Variants in NR3C1 observed in about 807,000 individuals in gnomAD.
The protein encoded by NR3C1 is glucocorticoid receptor.
A neutral mutation model predicts 74.0 loss-of-function variants in NR3C1; 14 were observed. That is an observed-to-expected ratio of 0.19 (90% CI 0.12 to 0.30). The LOEUF (loss-of-function observed/expected upper bound fraction) is 0.30. NR3C1 is among the 10% of genes least tolerant of loss of function. The pLI is 1.00. For synonymous variants in NR3C1, 308 were observed against 332.5 expected, an observed-to-expected ratio of 0.93 and a Z score of 0.80; for missense variants, 695 against 909.8, an observed-to-expected ratio of 0.76 and a Z score of 3.04.
rs1019720278 is a variant in NR3C1, at chr5:143,413,329, GT to G, written c.-13-12478del. Among the ~76,000 whole-genome samples, 16 of 148,968 alleles carry G rather than the reference GT, an allele frequency of 1.1e-4. No homozygotes were observed. The East Asian group carries it at 1.2e-3, about 11-fold the overall frequency. ...ATGAAGGGTTTTCTTCAAGTTATTT[GT>G]TTTTTTTTTCTCTTGAAGATAATAC... is the stretch of plus-strand genomic sequence containing the variant. On this transcript the variant is annotated intron_variant, in intron 1 of 8. Transcript: ENST00000343796.
chr5:143,389,354 T>C (rs886634193), intron 2 of NR3C1, among the ~76,000 whole-genome samples: 11 of 152,310 alleles, frequency 7.2e-5, no homozygotes, highest in Non-Finnish European at 1.3e-4. Flanking sequence ...GCCTAGAACA[T>C]GTCTTTGTAG....
chr5:143,431,551 G>A (rs999641619), intron 1 of NR3C1, among the ~76,000 whole-genome samples: 2 of 152,062 alleles, frequency 1.3e-5, no homozygotes, highest in Admixed American at 1.3e-4. Flanking sequence ...ATGCATGCGA[G>A]GCTTAAAACC....
chr5:143,302,491 G>A (rs1818702184), intron 4 of NR3C1, among the ~76,000 whole-genome samples: 2 of 151,986 alleles, frequency 1.3e-5, no homozygotes. Flanking sequence ...TCAATACACT[G>A]AAACAGTACT....
Position 143,281,544 on chromosome 5 carries a change from A to AAGAG in NR3C1, c.*341_*344dup. ...CCAGCCAACTGTGAAAAAAAGTATG[A>AAGAG]AGAGAAAGTTCATCACACAGACTTT... is the stretch of plus-strand genomic sequence containing the variant. On this transcript the variant is annotated 3_prime_UTR_variant, in exon 9 of 9. Coordinates refer to ENST00000394464, the MANE Select transcript of NR3C1 (RefSeq NM_000176.3). 3.9e-6 allele frequency: 1 copy of AAGAG among 255,998 alleles called. No individual in the cohort carries two copies. The highest frequency in any genetic ancestry group is 4.7e-5 in the South Asian group (1 of 21,208). 15.9% of individuals were successfully genotyped at this position (255,998 alleles called of 1,614,324 possible). A position where few individuals can be genotyped will look rare whatever the true frequency, so the allele number is the denominator to read the frequency against.
rs555342928 is a variant in NR3C1 at position 143,377,057 on chromosome 5, T to A, written c.1184+22599A>T. Among the ~76,000 whole-genome samples, 3 of 152,346 alleles carry A rather than the reference T, an allele frequency of 2.0e-5. No homozygotes were observed. The East Asian group carries it at 5.8e-4, about 29-fold the overall frequency. ...CTCAAAGTATCTCTCATCAGCTTTT[T>A]ATTAATGCCTGAAATTCCATCCTTA... is the stretch of plus-strand genomic sequence containing the variant. On this transcript the variant is annotated intron_variant, in intron 2 of 8. Transcript: ENST00000394464.
chr5:143,283,119 C>A (rs1813508165), intron 7 of NR3C1, among the ~76,000 whole-genome samples: 1 of 152,184 alleles, frequency 6.6e-6, no homozygotes, highest in African/African-American at 2.4e-5. Flanking sequence ...AGCAATCCTC[C>A]TGCCTCGGCC....
At chr5:143,362,954 T>C (rs542022237) in intron 2 of NR3C1, among the ~76,000 whole-genome samples, 2 of 152,098 alleles carry the variant, frequency 1.3e-5, no homozygotes, top group Non-Finnish European at 2.9e-5. Flanking sequence ...GCCACATGCA[T>C]GAGTAGGGCT....
chr5:143,295,353 A>T, intron 7 of NR3C1, 107 bp downstream of exon 7: 1 of 1,481,860 alleles, frequency 6.7e-7, no homozygotes, highest in Non-Finnish European at 9.0e-7. Flanking sequence ...GTAGGAAATA[A>T]TAGTAGACTT....
chr5:143,409,212 G>A (rs1176305600), intron 1 of NR3C1: 3 of 152,160 alleles, frequency 2.0e-5, no homozygotes, highest in Non-Finnish European at 4.4e-5. Flanking sequence ...AGTTGAGATC[G>A]ATATTGAGTA....
intron 2 of NR3C1, among the ~76,000 whole-genome samples, chr5:143,352,261 T>A (rs956255601): frequency 6.6e-6 from 1 of 152,116 alleles, no homozygotes; most frequent in Non-Finnish European, 1.5e-5. Context: ...TGTAAAGTGA[T>A]CCTAGGATTG....
chr5:143,293,281 G>T (rs1376549579), intron 7 of NR3C1, among the ~76,000 whole-genome samples: 1 of 152,144 alleles, frequency 6.6e-6, no homozygotes, highest in East Asian at 1.9e-4. Flanking sequence ...CCCAGGAATG[G>T]GAAACCAAAT....
At chr5:143,321,207 C>G (rs1027205798) in intron 2 of NR3C1, among the ~76,000 whole-genome samples, 1 of 152,178 alleles carries the variant, frequency 6.6e-6, no homozygotes, top group African/African-American at 2.4e-5. Flanking sequence ...AACAAGGTAT[C>G]TCGAGCATCT....
At chr5:143,314,253 A>G in intron 2 of NR3C1, 85 bp from the exon 3 acceptor site, 1 of 1,427,892 alleles carries the variant, frequency 7.0e-7, no homozygotes, top group Non-Finnish European at 9.7e-7. Context: ...CTTCATAGTC[A>G]GAATGCTCAC....
chr5:143,304,556 C>T (rs900988162), intron 4 of NR3C1, among the ~76,000 whole-genome samples: 1 of 152,032 alleles, frequency 6.6e-6, no homozygotes, highest in African/African-American at 2.4e-5. Flanking sequence ...TAGCAAAAAG[C>T]ATTCTAAAAT....
chr5:143,404,581 C>A (rs918485865), upstream of NR3C1: 6 of 960,760 alleles, frequency 6.2e-6, no homozygotes, highest in Non-Finnish European at 2.5e-6. Flanking sequence ...CGCCGCCTGC[C>A]AAGTTCAACC....
chr5:143,310,541 A>T (rs1360725799), intron 3 of NR3C1, among the ~76,000 whole-genome samples: 1 of 152,204 alleles, frequency 6.6e-6, no homozygotes, highest in Non-Finnish European at 1.5e-5. Flanking sequence ...TCAGATCAAG[A>T]AACAGAACAG....
At chr5:143,340,476 A>AT (rs3074500) in intron 2 of NR3C1, among the ~76,000 whole-genome samples, 42,000 of 89,358 alleles carry the variant, frequency 0.47, 11,201 homozygotes, top group East Asian at 0.73. Context: ...TTTAAAGATG[A>AT]TTTTTTTTTT....
At chr5:143,365,393 T>C (rs900747179) in intron 2 of NR3C1, among the ~76,000 whole-genome samples, 26 of 152,122 alleles carry the variant, frequency 1.7e-4, no homozygotes, top group Non-Finnish European at 5.9e-5. Context: ...TATACTAATA[T>C]AGACAAATAG....
At position 143,279,075 on chromosome 5, in the gene NR3C1, A is replaced by G. The variant is rs1012056784; in HGVS notation, c.*2814T>C. On this transcript the variant is annotated 3_prime_UTR_variant, in exon 9 of 9. Transcript: ENST00000394464. The stretch of plus-strand genomic sequence containing the variant: ...ACCAACTCTCACTGAAGTTACTACA[A>G]ACTTCAACAGTTTGGGTTGGGATGG... 8.7e-5 allele frequency: 35 copies of G among 400,938 alleles called. No homozygotes were observed. The highest frequency in any genetic ancestry group is 6.5e-4 in the Middle Eastern group (1 of 1,532). The allele number at this position is 400,938 out of a possible 1,614,324, so 24.8% of individuals were successfully genotyped here.
Sources: gnomAD v4.1 joint callset for allele counts (sites outside exome capture counted in the v4.1 genomes callset) on GRCh38, gnomAD v4.1.1 for gene constraint, MANE v1.5 for transcripts, NCBI Gene and HGNC (gene_info 2026-07-23, HGNC 2026-07-21) for gene names.